The following CATSPERE variants were observed in gnomAD, a reference collection of about 807,000 sequenced individuals.
The protein encoded by CATSPERE is cation channel sperm-associated auxiliary subunit epsilon.
In CATSPERE, 93 loss-of-function variants were observed where a neutral mutation model predicts 114.1. The ratio of observed to expected loss-of-function variants is 0.81; its 90% confidence interval spans 0.69 to 0.97. The LOEUF (loss-of-function observed/expected upper bound fraction) is 0.97. Among genes scored for constraint, CATSPERE ranks in the 50% least tolerant of loss-of-function variants. The pLI is 0.00. For synonymous variants in CATSPERE, 341 were observed against 384.1 expected (o/e 0.89, Z 1.31); for missense variants, 1,058 against 1,131.6 (o/e 0.93, Z 0.93).
intron 8 of CATSPERE, among the ~76,000 whole-genome samples, chr1:244,536,098 G>T (rs1162103945): frequency 6.6e-6 from 1 of 151,870 alleles, no homozygotes; most frequent in Non-Finnish European, 1.5e-5. Context: ...ACTGCCCAGT[G>T]CCCTTTCTGC....
At chr1:244,477,784 A>G (rs1669602287) in intron 3 of CATSPERE, 122 bp from the exon 4 acceptor site, 2 of 966,086 alleles carry the variant, frequency 2.1e-6, no homozygotes, top group African/African-American at 1.7e-5. Context: ...AAATATTGCA[A>G]ATATTTAAAA....
At chr1:244,559,081 G>T (rs185423866) in intron 9 of CATSPERE, among the ~76,000 whole-genome samples, 1 of 152,212 alleles carries the variant, frequency 6.6e-6, no homozygotes, top group Non-Finnish European at 1.5e-5. Context: ...GTGGAGTTAC[G>T]TGGGAAAGGG....
intron 7 of CATSPERE, among the ~76,000 whole-genome samples, chr1:244,509,758 A>G (rs145806012): frequency 4.6e-5 from 7 of 152,298 alleles, no homozygotes; most frequent in Non-Finnish European, 1.0e-4. Flanking sequence ...CCTGTTACTA[A>G]TTAATGGTCT....
intron 14 of CATSPERE, among the ~76,000 whole-genome samples, chr1:244,589,229 G>C (rs557821168): frequency 2.6e-5 from 4 of 152,300 alleles, no homozygotes; most frequent in Admixed American, 2.6e-4. Flanking sequence ...TTAGGAGTGG[G>C]AGTGAGAGTC....
At chr1:244,613,042 T>C (rs910021019) in intron 19 of CATSPERE, among the ~76,000 whole-genome samples, 11 of 152,128 alleles carry the variant, frequency 7.2e-5, no homozygotes, top group African/African-American at 1.7e-4. Flanking sequence ...TAGGAAACAA[T>C]ATAAATATTC....
intron 9 of CATSPERE, among the ~76,000 whole-genome samples, chr1:244,554,484 G>T (rs1252251770): frequency 6.6e-6 from 1 of 152,034 alleles, no homozygotes; most frequent in Non-Finnish European, 1.5e-5. Context: ...GGGCAACATG[G>T]TGAGACCCCA....
chr1:244,451,505 G>A (rs1186240695), upstream of CATSPERE: 44 of 1,023,790 alleles, frequency 4.3e-5, no homozygotes, highest in East Asian at 6.3e-4. This position sits in a 1 kb window ranked among gnomAD's most constrained non-coding sequence, Gnocchi z 6.6. Context: ...AGGACAGGAG[G>A]AGAGAGCCTC....
At chr1:244,457,795 T>C (rs902161635), upstream of CATSPERE, among the ~76,000 whole-genome samples, 2 of 152,182 alleles carry the variant, frequency 1.3e-5, no homozygotes, top group African/African-American at 4.8e-5. Context: ...AAAAATGACA[T>C]TTGGCTTATT....
At chr1:244,567,243 G>A (rs971922611) in intron 10 of CATSPERE, among the ~76,000 whole-genome samples, 33 of 152,268 alleles carry the variant, frequency 2.2e-4, no homozygotes, top group Middle Eastern at 3.4e-3. Flanking sequence ...TTCTTTTTGT[G>A]GGTAACCCAA....
At chr1:244,545,716 C>T (rs545291622) in intron 8 of CATSPERE, among the ~76,000 whole-genome samples, 1 of 152,332 alleles carries the variant, frequency 6.6e-6, no homozygotes, top group South Asian at 2.1e-4. Context: ...TGAACTGTTA[C>T]TTGACCCAGT....
chr1:244,460,873 G>A (rs1207787067), upstream of CATSPERE, among the ~76,000 whole-genome samples: 3 of 152,206 alleles, frequency 2.0e-5, no homozygotes, highest in East Asian at 3.9e-4. Context: ...GAGCCAGATC[G>A]CGCCACTGCA....
At chr1:244,520,708 C>T (rs1014936762) in intron 8 of CATSPERE, among the ~76,000 whole-genome samples, 4 of 152,068 alleles carry the variant, frequency 2.6e-5, no homozygotes, top group Non-Finnish European at 5.9e-5. Flanking sequence ...AAAATTTGTC[C>T]GTACATATCC....
In CATSPERE at chr1:244,561,106, A is replaced by G. The variant is rs764694380; in HGVS notation, c.1468A>G (p.Met490Val). 9 of 1,607,794 alleles carry G rather than the reference A, an allele frequency of 5.6e-6. No individual in the cohort carries two copies. The highest frequency in any genetic ancestry group is 3.3e-5 in the South Asian group (3 of 90,936). The change falls in exon 10 of 22, where the codon ATG (methionine) becomes GTG (valine). Residue 490 changes from methionine to valine, a missense_variant. This residue lies in a region of CATSPERE where 787 missense variants were observed against 905.6 expected (regional missense o/e 0.87). Coordinates refer to ENST00000366534, the MANE Select transcript of CATSPERE (RefSeq NM_001130957.2). Reference sequence around the variant, plus strand: ...ACCTGCAGGACATGGAAATCTATCAATGCTATCAAATGACAGCATTATTCA... The same window carrying G: ...ACCTGCAGGACATGGAAATCTATCAGTGCTATCAAATGACAGCATTATTCA... ...QTPAGHGNLS[M>V]LSNDSIIHEV...
At position 244,547,790 on chromosome 1, in the gene CATSPERE, AAAC is replaced by A. The variant is rs565113934; in HGVS notation, c.537-4529_537-4527del. ...AGAAAAGATCTATAAAACAACTAAAAAACAATTTTAAAATGGAAGTAGAATTAC... is the reference window on the plus strand; with the variant it reads ...AGAAAAGATCTATAAAACAACTAAAAAATTTTAAAATGGAAGTAGAATTAC... On this transcript the variant is annotated intron_variant, in intron 8 of 21. Coordinates refer to ENST00000366534, the MANE Select transcript of CATSPERE (RefSeq NM_001130957.2). Among the ~76,000 whole-genome samples, 243 of 152,330 alleles carry A rather than the reference AAAC, an allele frequency of 1.6e-3. 1 individual carries two copies. The highest frequency in any genetic ancestry group is 0.01 in the Middle Eastern group (3 of 294).
chr1:244,497,100 A>G (rs772653679), intron 6 of CATSPERE, among the ~76,000 whole-genome samples: 1 of 152,224 alleles, frequency 6.6e-6, no homozygotes, highest in Non-Finnish European at 1.5e-5. Context: ...TTTTACATTG[A>G]ATATGTAAAT....
rs1491571589 is a variant in CATSPERE at position 244,621,220 on chromosome 1, T to TCTATATA, written c.2648+3534_2648+3535insCTATATA. ...TTATATAGATATATTTATATATATA[T>TCTATATA]TTATATAAATATATTTATATAGATA... is the stretch of plus-strand genomic sequence containing the variant. On this transcript the variant is annotated intron_variant, in intron 20 of 21. Coordinates refer to ENST00000366534, the MANE Select transcript of CATSPERE (RefSeq NM_001130957.2). Among the ~76,000 whole-genome samples the TCTATATA allele has an allele frequency of 8.4e-3, 851 of 101,014 alleles. 170 individuals are homozygous for TCTATATA. Among genetic ancestry groups the TCTATATA allele is most frequent in the African/African-American group, 0.033 (808 of 24,730 alleles). The allele number at this position is 101,014 out of a possible 152,430, so 66.3% of individuals were successfully genotyped here. A position where few individuals can be genotyped will look rare whatever the true frequency, so the allele number is the denominator to read the frequency against.
intron 8 of CATSPERE, among the ~76,000 whole-genome samples, chr1:244,522,841 A>T (rs1234167127): frequency 6.6e-6 from 1 of 152,122 alleles, no homozygotes; most frequent in Non-Finnish European, 1.5e-5. Context: ...TGGCAATAAT[A>T]AGTAGCTTAC....
intron 17 of CATSPERE, chr1:244,598,556 C>A: frequency 4.0e-6 from 1 of 252,510 alleles, no homozygotes. Context: ...AGAATCCAGC[C>A]ACCTCACCTG....
At chr1:244,567,185 C>A (rs568919792) in intron 10 of CATSPERE, among the ~76,000 whole-genome samples, 5 of 152,316 alleles carry the variant, frequency 3.3e-5, no homozygotes, top group African/African-American at 9.6e-5. Context: ...CCACTCTCTT[C>A]TGGCTTGTAG....
Sources: allele counts gnomAD v4.1 joint callset (sites outside exome capture counted in the v4.1 genomes callset), GRCh38; gene constraint gnomAD v4.1.1; regional missense constraint gnomAD v4.1.1; non-coding constraint Gnocchi (gnomAD v3.1); transcripts MANE v1.5; gene names NCBI Gene and HGNC (gene_info 2026-07-23, HGNC 2026-07-21).